The following ZNF385D variants were observed in gnomAD, a reference collection of about 807,000 sequenced individuals.
The protein encoded by ZNF385D is zinc finger protein 385D.
Under a neutral mutation model 35.8 loss-of-function variants are expected in ZNF385D, and 15 were observed. That is an observed-to-expected ratio of 0.42 (90% CI 0.28 to 0.64). The LOEUF is 0.64. Ranked by LOEUF, ZNF385D falls within the 30% of genes least tolerant of loss-of-function variation. ZNF385D has a pLI of 0.23. For missense variants in ZNF385D, 474 were observed against 494.6 expected (o/e 0.96, Z 0.39); for synonymous variants, 212 against 186.8 (o/e 1.13, Z -1.10).
At chr3:21,512,720 C>A (rs1020720011) in intron 3 of ZNF385D, among the ~76,000 whole-genome samples, 12 of 152,078 alleles carry the variant, frequency 7.9e-5, no homozygotes, top group African/African-American at 2.7e-4. Context: ...GAGGAACCAG[C>A]GATAGATTGG....
chr3:22,329,102 T>G (rs2125457485), intron 2 of ZNF385D, among the ~76,000 whole-genome samples: 1 of 143,130 alleles, frequency 7.0e-6, no homozygotes, highest in Admixed American at 6.9e-5. Flanking sequence ...AAAAAAGAGT[T>G]TATTAAAGTT....
intron 3 of ZNF385D, among the ~76,000 whole-genome samples, chr3:21,918,636 T>C (rs984552920): frequency 6.6e-6 from 1 of 152,202 alleles, no homozygotes; most frequent in African/African-American, 2.4e-5. Context: ...GGGTATTACA[T>C]GGTCTGTGGT....
rs539626293 is a variant in ZNF385D, at chr3:21,525,662, C to A, written c.277-14639G>T. Among the ~76,000 whole-genome samples the A allele has an allele frequency of 5.4e-4, 48 of 88,450 alleles. 1 individual carries two copies. The South Asian group carries it at 8.2e-3, about 15-fold the overall frequency. The allele number at this position is 88,450 out of a possible 152,430, so 58.0% of individuals were successfully genotyped here. A position where few individuals can be genotyped will look rare whatever the true frequency, so the allele number is the denominator to read the frequency against. On this transcript the variant is annotated intron_variant, in intron 3 of 7. Coordinates refer to ENST00000281523, the MANE Select transcript of ZNF385D (RefSeq NM_024697.3). ...TCGCGCCACTGCACTCCAGCCTGGG[C>A]AACAAGAGCAAAATTCCATCTCAAA...
chr3:22,225,740 A>T (rs1332623069), intron 2 of ZNF385D, among the ~76,000 whole-genome samples: 5 of 152,210 alleles, frequency 3.3e-5, no homozygotes, highest in Non-Finnish European at 7.3e-5. Context: ...TCTTGTCACA[A>T]GGTCTTATTC....
At chr3:21,451,856 A>G (rs1702480096) in intron 4 of ZNF385D, among the ~76,000 whole-genome samples, 2 of 152,098 alleles carry the variant, frequency 1.3e-5, no homozygotes. Context: ...ATAGCTATTA[A>G]TTGGCAAAGC....
At chr3:21,652,476 A>G (rs1350159954) in intron 2 of ZNF385D, among the ~76,000 whole-genome samples, 1 of 152,116 alleles carries the variant, frequency 6.6e-6, no homozygotes, top group South Asian at 2.1e-4. Context: ...TATTTTTTTA[A>G]TTTTATTATT....
rs1021649127 is a variant in ZNF385D, at chr3:22,065,076, T to C, written c.325+103741A>G. On this transcript the variant is annotated intron_variant, in intron 3 of 5. Coordinates refer to the ZNF385D transcript ENST00000494108. ...CACTAGCTATAAGTCCTTAAACAAA[T>C]TAGTTAGCCTTTCCTGGCTTTGATT... is the stretch of plus-strand genomic sequence containing the variant. 3.3e-5 allele frequency among the ~76,000 whole-genome samples: 5 copies of C among 152,268 alleles called. No homozygotes were observed. In the South Asian group the frequency reaches 6.2e-4, roughly 19 times the overall value.
At chr3:22,103,292 T>C (rs1056449363) in intron 3 of ZNF385D, among the ~76,000 whole-genome samples, 13 of 151,856 alleles carry the variant, frequency 8.6e-5, no homozygotes, top group Admixed American at 5.9e-4. Context: ...ATCTAATCAC[T>C]GTGGGCTCAC....
chr3:22,123,962 C>CTCTCTCTCTCTCTATA (rs1491571691), intron 3 of ZNF385D, among the ~76,000 whole-genome samples: 1 of 61,842 alleles, frequency 1.6e-5, no homozygotes, highest in African/African-American at 6.1e-5. Context: ...CTCTCTCTCT[C>CTCTCTCTCTCTCTATA]TATATATATA....
chr3:22,072,053 T>C (rs578175750), intron 3 of ZNF385D, among the ~76,000 whole-genome samples: 8 of 152,284 alleles, frequency 5.3e-5, no homozygotes, highest in Admixed American at 6.6e-5. Flanking sequence ...ACCCACCATG[T>C]ATGTTTATTG....
intron 3 of ZNF385D, among the ~76,000 whole-genome samples, chr3:22,144,115 T>A (rs1255690121): frequency 6.6e-6 from 1 of 152,118 alleles, no homozygotes; most frequent in Non-Finnish European, 1.5e-5. Context: ...TGATAAAAAA[T>A]TTGCATGAGC....
At chr3:21,559,717 G>C (rs1275511282) in intron 3 of ZNF385D, among the ~76,000 whole-genome samples, 3 of 152,164 alleles carry the variant, frequency 2.0e-5, no homozygotes, top group African/African-American at 7.2e-5. Flanking sequence ...GTCTTGCTAG[G>C]TTGGGGAAGT....
chr3:22,305,058 T>C (rs2125417344), intron 2 of ZNF385D, among the ~76,000 whole-genome samples: 1 of 152,106 alleles, frequency 6.6e-6, no homozygotes, highest in East Asian at 1.9e-4. Context: ...TATTTTTCCT[T>C]ATCTCATCCA....
At chr3:21,906,771 T>G (rs1213154881) in intron 3 of ZNF385D, among the ~76,000 whole-genome samples, 1 of 152,212 alleles carries the variant, frequency 6.6e-6, no homozygotes, top group Non-Finnish European at 1.5e-5. Context: ...TCTGCCATAC[T>G]GTCCCTCAGC....
chr3:21,624,587 G>T (rs1290595105), intron 2 of ZNF385D, among the ~76,000 whole-genome samples: 1 of 152,036 alleles, frequency 6.6e-6, no homozygotes, highest in African/African-American at 2.4e-5. Flanking sequence ...AATCCGGGCA[G>T]CTGGGAAACT....
At chr3:22,285,252 G>A (rs900431861) in intron 2 of ZNF385D, among the ~76,000 whole-genome samples, 1 of 152,068 alleles carries the variant, frequency 6.6e-6, no homozygotes, top group African/African-American at 2.4e-5. Context: ...GTGATAAGAG[G>A]CTCATCTGCC....
chr3:22,006,043 C>T (rs1162894964), intron 3 of ZNF385D, among the ~76,000 whole-genome samples: 1 of 152,032 alleles, frequency 6.6e-6, no homozygotes, highest in African/African-American at 2.4e-5. Context: ...GAAAGAATAG[C>T]AGCTTTTGTG....
chr3:21,912,887 A>G (rs1700028007), intron 3 of ZNF385D, among the ~76,000 whole-genome samples: 2 of 152,188 alleles, frequency 1.3e-5, no homozygotes, highest in African/African-American at 2.4e-5. Flanking sequence ...AGCATACAGA[A>G]CATTCTTAAA....
At chr3:21,953,642 T>C (rs777390874) in intron 3 of ZNF385D, among the ~76,000 whole-genome samples, 2 of 152,034 alleles carry the variant, frequency 1.3e-5, no homozygotes, top group Non-Finnish European at 2.9e-5. Context: ...CCCTGTGTTT[T>C]CTAAACATTC....
Sources: gnomAD v4.1 joint callset for allele counts (sites outside exome capture counted in the v4.1 genomes callset) on GRCh38, gnomAD v4.1.1 for gene constraint, MANE v1.5 for transcripts, NCBI Gene and HGNC (gene_info 2026-07-23, HGNC 2026-07-21) for gene names.